LEO1: variants seen among roughly 807,000 people sequenced by gnomAD.
LEO1 encodes RNA polymerase-associated protein LEO1.
Under a neutral mutation model 80.4 loss-of-function variants are expected in LEO1, and 34 were observed. The ratio of observed to expected loss-of-function variants is 0.42; its 90% CI spans 0.32 to 0.56. The LOEUF (loss-of-function observed/expected upper bound fraction) is 0.56, where lower values mean the gene tolerates loss of function less well. Ranked by LOEUF, LEO1 falls within the 20% of genes least tolerant of loss-of-function variation. The pLI, the probability that LEO1 is intolerant of heterozygous loss-of-function variation, is 0.10. For missense variants in LEO1, 631 were observed against 814.2 expected, an observed-to-expected ratio of 0.77 and a Z score of 2.74; for synonymous variants, 262 against 274.9, an observed-to-expected ratio of 0.95 and a Z score of 0.46.
chr15:51,944,135 G>T (rs946128854), intron 11 of LEO1, among the ~76,000 whole-genome samples: 1 of 152,114 alleles, frequency 6.6e-6, no homozygotes, highest in African/African-American at 2.4e-5. Context: ...TAGAATAAAT[G>T]CAAAGAGAAC....
In LEO1 at chr15:51,962,623, T is replaced by G. The variant is rs2057040232; in HGVS notation, c.815-130A>C. On this transcript the variant is annotated intron_variant, in intron 2 of 11. Coordinates refer to ENST00000299601, the MANE Select transcript of LEO1 (RefSeq NM_138792.4). ...TACTCAGCAATAAAGAGGAATGAAC[T>G]GCTGATACATGTAACCAATTGGATG... 10 of 615,834 alleles carry G rather than the reference T, an allele frequency of 1.6e-5. No individual in the cohort carries two copies. The East Asian group carries it at 2.8e-4, about 18-fold the overall frequency. The allele number at this position is 615,834 out of a possible 1,614,324, so 38.1% of individuals were successfully genotyped here.
At chr15:51,939,919 C>T (rs959417008) in intron 11 of LEO1, among the ~76,000 whole-genome samples, 8 of 152,230 alleles carry the variant, frequency 5.3e-5, no homozygotes, top group African/African-American at 1.9e-4. Flanking sequence ...AGTCCTAATC[C>T]ATCCTCTGGA....
intron 8 of LEO1, among the ~76,000 whole-genome samples, chr15:51,952,658 G>A (rs2056958495): frequency 6.6e-6 from 1 of 152,102 alleles, no homozygotes; most frequent in African/African-American, 2.4e-5. Context: ...CTGTCCTCTT[G>A]GGGGACACAC....
chr15:51,959,081 C>A (rs554651174), intron 5 of LEO1, among the ~76,000 whole-genome samples: 22 of 151,738 alleles, frequency 1.4e-4, no homozygotes, highest in African/African-American at 5.3e-4. Context: ...CGGCTCACCA[C>A]AACCTCCGCC....
chr15:51,944,801 CATGAT>C (rs2056885509), intron 11 of LEO1, among the ~76,000 whole-genome samples: 1 of 152,086 alleles, frequency 6.6e-6, no homozygotes, highest in Non-Finnish European at 1.5e-5. Flanking sequence ...AATTTATACA[CATGAT>C]ATGATATAAA....
chr15:51,941,796 A>G (rs1421406933), intron 11 of LEO1, among the ~76,000 whole-genome samples: 2 of 152,252 alleles, frequency 1.3e-5, no homozygotes, highest in African/African-American at 4.8e-5. Flanking sequence ...CAGCTACTAC[A>G]TATTGTGTTA....
chr15:51,938,724 T>A (rs577567216), intron 11 of LEO1, among the ~76,000 whole-genome samples: 12 of 152,352 alleles, frequency 7.9e-5, no homozygotes, highest in African/African-American at 2.9e-4. Flanking sequence ...TTTGATGACA[T>A]TAAAGGGCAT....
intron 2 of LEO1, 25 bp downstream of exon 2, chr15:51,965,724 A>C (rs1382633818): frequency 6.3e-7 from 1 of 1,578,050 alleles, no homozygotes; most frequent in Non-Finnish European, 8.6e-7. Context: ...TTTCTGAGCC[A>C]TTCTGGTTCT....
At chr15:51,940,019 G>A (rs2056835114) in intron 11 of LEO1, among the ~76,000 whole-genome samples, 1 of 152,164 alleles carries the variant, frequency 6.6e-6, no homozygotes, top group Admixed American at 6.5e-5. Flanking sequence ...ACTTTGGGAG[G>A]CCAAGGCGGG....
chr15:51,941,842 C>T (rs1318996828), intron 11 of LEO1, among the ~76,000 whole-genome samples: 1 of 152,166 alleles, frequency 6.6e-6, no homozygotes, highest in Non-Finnish European at 1.5e-5. Flanking sequence ...TGTAATGCAA[C>T]ATTTTTACAA....
At chr15:51,962,964 T>A (rs1331631006) in intron 2 of LEO1, among the ~76,000 whole-genome samples, 1 of 151,004 alleles carries the variant, frequency 6.6e-6, no homozygotes, top group Non-Finnish European at 1.5e-5. Flanking sequence ...TGTGTTAATT[T>A]AAAAAACAGA....
At chr15:51,941,103 A>G (rs1424782566) in intron 11 of LEO1, among the ~76,000 whole-genome samples, 1 of 150,828 alleles carries the variant, frequency 6.6e-6, no homozygotes, top group African/African-American at 2.4e-5. Context: ...AAATAAATAA[A>G]TAAGCAAGCC....
chr15:51,939,982 G>A (rs774077492), intron 11 of LEO1, among the ~76,000 whole-genome samples: 1 of 152,166 alleles, frequency 6.6e-6, no homozygotes, highest in Non-Finnish European at 1.5e-5. Context: ...CCGGCCGGGC[G>A]CGATGGCTCA....
At chr15:51,943,914 A>G (rs1440516375) in intron 11 of LEO1, among the ~76,000 whole-genome samples, 1 of 152,208 alleles carries the variant, frequency 6.6e-6, no homozygotes, top group Non-Finnish European at 1.5e-5. Context: ...AGATTATGCA[A>G]TCTGAAGAAC....
chr15:51,960,746 A>C lies in LEO1; in HGVS notation c.920-13T>G. On this transcript the variant is annotated splice_polypyrimidine_tract_variant and intron_variant, in intron 3 of 11. Coordinates refer to ENST00000299601, the MANE Select transcript of LEO1 (RefSeq NM_138792.4). ...GTTCCACTATTATCTTCAATGCAGA[A>C]GGAAAAAGGCATTAGTGTTACTATC... 6.8e-7 allele frequency: 1 copy of C among 1,463,810 alleles called. No individual in the cohort carries two copies. Among genetic ancestry groups the C allele is most frequent in the Admixed American group, 1.7e-5 (1 of 59,776 alleles). 90.7% of individuals were successfully genotyped at this position (1,463,810 alleles called of 1,614,324 possible).
At chr15:51,941,180 A>G (rs1335475366) in intron 11 of LEO1, among the ~76,000 whole-genome samples, 1 of 152,230 alleles carries the variant, frequency 6.6e-6, no homozygotes, top group Non-Finnish European at 1.5e-5. Context: ...TAGAAAGGTG[A>G]GAGAATCCTT....
At chr15:51,964,605 A>G (rs539181209) in intron 2 of LEO1, among the ~76,000 whole-genome samples, 15 of 151,496 alleles carry the variant, frequency 9.9e-5, no homozygotes, top group Non-Finnish European at 2.2e-4. Flanking sequence ...CTGCAGTCCC[A>G]TAGTCTACAC....
Position 51,966,275 on chromosome 15 carries a change from A to G in LEO1, c.288T>C (p.His96=). The change falls in exon 2 of 12, where the codon CAT becomes CAC. Residue 96 remains histidine (H), a synonymous_variant. Coordinates refer to ENST00000299601, the MANE Select transcript of LEO1 (RefSeq NM_138792.4). ...CTACATCTGAGGGGTCATTGTCCTC[A>G]TGGTCAGAACGCTCAGAAGCTTCTG... The part of the protein sequence containing the change: ...NRSEASERSD[H]EDNDPSDVDQ... 1 of 1,614,052 alleles carries G rather than the reference A, an allele frequency of 6.2e-7. No homozygotes were observed. The highest frequency in any genetic ancestry group is 8.5e-7 in the Non-Finnish European group (1 of 1,179,996).
chr15:51,960,107 C>T lies in LEO1; in HGVS notation c.1015-63G>A, dbSNP rs115136686. On this transcript the variant is annotated intron_variant, in intron 4 of 11. Coordinates refer to ENST00000299601, the MANE Select transcript of LEO1 (RefSeq NM_138792.4). ...CTTAGAAATGGCTTCCTTCAACCTC[C>T]ACACTTTAATTACTCTGGGGTGCAA... The T allele has an allele frequency of 1.1e-3, 1,453 of 1,324,620 alleles. 12 individuals are homozygous for T. In the African/African-American group the frequency reaches 0.02, roughly 18 times the overall value. 82.1% of individuals were successfully genotyped at this position (1,324,620 alleles called of 1,614,324 possible). A position where few individuals can be genotyped will look rare whatever the true frequency, so the allele number is the denominator to read the frequency against.
Sources: allele counts gnomAD v4.1 joint callset (sites outside exome capture counted in the v4.1 genomes callset), GRCh38; gene constraint gnomAD v4.1.1; transcripts MANE v1.5; gene names NCBI Gene and HGNC (gene_info 2026-07-23, HGNC 2026-07-21).